Variants in FAF2 observed in about 807,000 individuals in gnomAD.
FAF2 encodes FAS-associated factor 2.
Under a neutral mutation model 62.3 loss-of-function variants are expected in FAF2, and 9 were observed. The ratio of observed to expected loss-of-function variants is 0.14; its 90% CI spans 0.09 to 0.25. The LOEUF (loss-of-function observed/expected upper bound fraction) is 0.25, where lower values mean the gene tolerates loss of function less well. Ranked by LOEUF, FAF2 falls within the 10% of genes least tolerant of loss-of-function variation. FAF2 has a pLI of 1.00. For missense variants in FAF2, 368 were observed against 556.2 expected (o/e 0.66, Z 3.40); for synonymous variants, 202 against 198.0 (o/e 1.02, Z -0.17).
intron 1 of FAF2, among the ~76,000 whole-genome samples, chr5:176,466,468 G>T (rs898255909): frequency 2.0e-5 from 3 of 152,154 alleles, no homozygotes; most frequent in African/African-American, 7.2e-5. Flanking sequence ...CCCGTGCAGC[G>T]TTTGTTAGTA....
At chr5:176,457,218 T>A (rs1758291817) in intron 1 of FAF2, among the ~76,000 whole-genome samples, 1 of 152,186 alleles carries the variant, frequency 6.6e-6, no homozygotes, top group South Asian at 2.1e-4. Flanking sequence ...AGACGGAGTT[T>A]CGCTGTTGTC....
intron 1 of FAF2, among the ~76,000 whole-genome samples, chr5:176,474,512 GTCTGTGTTCCA>G (rs1204017164): frequency 6.6e-6 from 1 of 152,164 alleles, no homozygotes; most frequent in African/African-American, 2.4e-5. Context: ...TTTTGTCAAA[GTCTGTGTTCCA>G]TCCGGAGAGC....
intron 8 of FAF2, among the ~76,000 whole-genome samples, chr5:176,498,509 T>C (rs1338926957): frequency 1.3e-5 from 2 of 152,238 alleles, no homozygotes; most frequent in Non-Finnish European, 2.9e-5. Context: ...TCAGATCTGC[T>C]ACAATGTGTG....
intron 8 of FAF2, 129 bp from the exon 9 acceptor site, chr5:176,498,785 G>A: frequency 6.0e-6 from 5 of 837,748 alleles, no homozygotes; most frequent in Non-Finnish European, 3.3e-6. Flanking sequence ...TTATGGCAGT[G>A]TGAAATCGTC....
At chr5:176,459,856 G>A (rs1758345040) in intron 1 of FAF2, among the ~76,000 whole-genome samples, 1 of 151,842 alleles carries the variant, frequency 6.6e-6, no homozygotes, top group Non-Finnish European at 1.5e-5. Flanking sequence ...CCAACAGTTA[G>A]TTTAATTTTT....
At chr5:176,472,256 C>T (rs1161556681) in intron 1 of FAF2, among the ~76,000 whole-genome samples, 1 of 152,090 alleles carries the variant, frequency 6.6e-6, no homozygotes, top group Admixed American at 6.6e-5. Flanking sequence ...AAGCGATTCT[C>T]CTGCCTCAGC....
intron 1 of FAF2, chr5:176,453,809 A>G (rs559714609): frequency 6.6e-6 from 1 of 152,278 alleles, no homozygotes; most frequent in Admixed American, 6.6e-5. Context: ...TAATCCAAGC[A>G]CTTTGGGAGG....
chr5:176,452,257 C>T lies in FAF2; in HGVS notation c.63+3787C>T, dbSNP rs1464793434. On this transcript the variant is annotated intron_variant, in intron 1 of 10. Transcript: ENST00000261942. ...ATTTTTAGTACAGACAAGGTTTCCC[C>T]GTGTTGGCCAGGCTGGTCTCGAACT... 2.6e-5 allele frequency among the ~76,000 whole-genome samples: 4 copies of T among 151,942 alleles called. No individual in the cohort carries two copies. The South Asian group carries it at 6.2e-4, about 24-fold the overall frequency.
chr5:176,508,244 G>A lies in FAF2; in HGVS notation c.*1294G>A, dbSNP rs1755718194. 1 of 152,096 alleles carries A rather than the reference G, an allele frequency of 6.6e-6. No homozygotes were observed. The highest frequency in any genetic ancestry group is 2.1e-4 in the South Asian group (1 of 4,816). 9.4% of individuals were successfully genotyped at this position (152,096 alleles called of 1,614,324 possible). On this transcript the variant is annotated 3_prime_UTR_variant, in exon 11 of 11. Coordinates refer to ENST00000261942, the MANE Select transcript of FAF2 (RefSeq NM_014613.3). ...TGTCTCGTCTGTGGTTGAGTTTATG[G>A]TAATGGGTACATGGGTCAGGCCATG...
chr5:176,450,652 C>G (rs1356021825), intron 1 of FAF2, among the ~76,000 whole-genome samples: 2 of 151,734 alleles, frequency 1.3e-5, no homozygotes, highest in South Asian at 2.1e-4. Flanking sequence ...CTTCCAGTTT[C>G]AAGCGATTCT....
chr5:176,494,140 T>C lies in FAF2; in HGVS notation c.570-44T>C, dbSNP rs767294240. On this transcript the variant is annotated intron_variant, in intron 6 of 10. Coordinates refer to ENST00000261942, the MANE Select transcript of FAF2 (RefSeq NM_014613.3). The surrounding 1 kb of genome is among the most constrained non-coding windows in gnomAD (Gnocchi z 4.0). ...TCTGACTCTTTCTGGTGACAGTTTA[T>C]AGTCAGCAAGTTGTTCTCATATCCT... The C allele has an allele frequency of 2.5e-6, 4 of 1,606,468 alleles. No homozygotes were observed. The highest frequency in any genetic ancestry group is 3.4e-6 in the Non-Finnish European group (4 of 1,174,282).
At chr5:176,483,891 A>G (rs1186018590) in intron 2 of FAF2, among the ~76,000 whole-genome samples, 2 of 152,150 alleles carry the variant, frequency 1.3e-5, no homozygotes, top group Non-Finnish European at 2.9e-5. Flanking sequence ...TCTGGCCAAC[A>G]TCGTGAAACC....
chr5:176,468,039 C>G lies in FAF2; in HGVS notation c.64-11149C>G, dbSNP rs553990516. On this transcript the variant is annotated intron_variant, in intron 1 of 10. Coordinates refer to ENST00000261942, the MANE Select transcript of FAF2 (RefSeq NM_014613.3). ...AATTAATCGGGTGTGTTGGTGGGCA[C>G]TTACAATCCCAGCTACTTGAGAGGC... 1.5e-4 allele frequency among the ~76,000 whole-genome samples: 23 copies of G among 152,248 alleles called. No individual in the cohort carries two copies. In the South Asian group the frequency reaches 4.8e-3, roughly 32 times the overall value.
intron 1 of FAF2, among the ~76,000 whole-genome samples, chr5:176,451,766 A>G (rs1408399771): frequency 1.9e-5 from 2 of 104,970 alleles, no homozygotes; most frequent in Non-Finnish European, 4.0e-5. Context: ...GTATATATAC[A>G]TATATATACG....
intron 1 of FAF2, among the ~76,000 whole-genome samples, chr5:176,475,241 A>G (rs886203738): frequency 6.6e-6 from 1 of 152,070 alleles, no homozygotes; most frequent in African/African-American, 2.4e-5. Context: ...GTGATCCTGA[A>G]TAGATGATCC....
chr5:176,449,524 G>A (rs991380431), intron 1 of FAF2, among the ~76,000 whole-genome samples: 3 of 151,898 alleles, frequency 2.0e-5, no homozygotes, highest in Non-Finnish European at 4.4e-5. Flanking sequence ...GCAGTGAGCC[G>A]AGATCGTGCC....
chr5:176,456,607 G>A (rs1446315471), intron 1 of FAF2, among the ~76,000 whole-genome samples: 1 of 152,166 alleles, frequency 6.6e-6, no homozygotes, highest in African/African-American at 2.4e-5. Flanking sequence ...GGAATTACGG[G>A]TGTGAGCCAC....
At chr5:176,506,342 A>G (rs1755685205) in intron 10 of FAF2, among the ~76,000 whole-genome samples, 1 of 152,194 alleles carries the variant, frequency 6.6e-6, no homozygotes, top group African/African-American at 2.4e-5. Context: ...AGTTGTGGTT[A>G]TATAGAAGAT....
chr5:176,448,605 C>T lies in FAF2; in HGVS notation c.63+135C>T. 4.6e-6 allele frequency: 4 copies of T among 862,994 alleles called. No homozygotes were observed. In the South Asian group the frequency reaches 5.3e-5, roughly 12 times the overall value. The allele number at this position is 862,994 out of a possible 1,614,324, so 53.5% of individuals were successfully genotyped here. ...GGCCGGCCCCCTCCCCCCCAGACTC[C>T]AACTGCCCTGATTCCCCCGGCCCCC... On this transcript the variant is annotated intron_variant, in intron 1 of 10. Transcript: ENST00000261942.
Sources: gnomAD v4.1 joint callset for allele counts (sites outside exome capture counted in the v4.1 genomes callset) on GRCh38, gnomAD v4.1.1 for gene constraint, Gnocchi (gnomAD v3.1) non-coding constraint, MANE v1.5 for transcripts, NCBI Gene and HGNC (gene_info 2026-07-23, HGNC 2026-07-21) for gene names.